Variants in SYNJ2 observed in about 807,000 individuals in gnomAD.
SYNJ2 encodes synaptojanin 2, also known as polyphosphatidylinositol phosphatase SYNJ2.
Under a neutral mutation model 141.3 loss-of-function variants are expected in SYNJ2, and 116 were observed. The observed-to-expected ratio is 0.82, with a 90% confidence interval of 0.71 to 0.96. SYNJ2 has a LOEUF of 0.96. SYNJ2 is among the 40% of genes least tolerant of loss of function. SYNJ2 has a pLI of 0.00. For synonymous variants in SYNJ2, 745 were observed against 777.7 expected (o/e 0.96, Z 0.70); for missense variants, 1,873 against 1,934.8 (o/e 0.97, Z 0.60).
In SYNJ2 at chr6:158,084,152, G is replaced by A; in HGVS notation, c.3186G>A (p.Lys1062=). ...PPSKSPALTK[K]KQHPTYKDDA... is the part of the protein sequence containing the mutation. ...GCAAGTCACCTGCTCTCACCAAAAA[G>A]AAGCAGCATCCAACGTACAAAGGTA... is the stretch of plus-strand genomic sequence containing the variant. The change falls in exon 22 of 27, where the codon AAG becomes AAA. Residue 1062 remains lysine (K), a synonymous_variant. Coordinates refer to ENST00000355585, the MANE Select transcript of SYNJ2 (RefSeq NM_003898.4). This position sits in a 1 kb window ranked among gnomAD's most constrained non-coding sequence, Gnocchi z 5.0. 2 of 1,614,082 alleles carry A rather than the reference G, an allele frequency of 1.2e-6. No homozygotes were observed. Among genetic ancestry groups the A allele is most frequent in the Middle Eastern group, 1.6e-4 (1 of 6,062 alleles).
intron 15 of SYNJ2, 124 bp from the exon 16 acceptor site, chr6:158,074,454 CTT>C: frequency 1.9e-6 from 2 of 1,032,370 alleles, no homozygotes; most frequent in Admixed American, 5.3e-5. Flanking sequence ...TAGTAGAAAA[CTT>C]TCTTTTTTCT....
intron 6 of SYNJ2, 70 bp from the exon 7 acceptor site, chr6:158,059,179 TCCCTTGAG>T: frequency 7.2e-7 from 1 of 1,380,770 alleles, no homozygotes; most frequent in South Asian, 1.6e-5. Context: ...TGCCCCGTCT[TCCCTTGAG>T]GGGCAGAACA....
Position 158,040,889 on chromosome 6 carries a change from C to A in SYNJ2, c.712-2427C>A, listed in dbSNP as rs1313532369. Among the ~76,000 whole-genome samples the A allele has an allele frequency of 6.6e-6, 1 of 152,190 alleles. No individual in the cohort carries two copies. The highest frequency in any genetic ancestry group is 1.5e-5 in the Non-Finnish European group (1 of 68,036). Reference sequence around the variant, plus strand: ...GGGCCTCCGACTTTTCTTCCCGTGGCCCCACTGCTCTTCCCGGTCTCCCTC... The same window carrying A: ...GGGCCTCCGACTTTTCTTCCCGTGGACCCACTGCTCTTCCCGGTCTCCCTC... On this transcript the variant is annotated intron_variant, in intron 4 of 26. Coordinates refer to ENST00000355585, the MANE Select transcript of SYNJ2 (RefSeq NM_003898.4). This position sits in a 1 kb window ranked among gnomAD's most constrained non-coding sequence, Gnocchi z 4.2.
intron 2 of SYNJ2, among the ~76,000 whole-genome samples, chr6:158,025,859 G>A (rs985412065): frequency 6.6e-6 from 1 of 151,406 alleles, no homozygotes; most frequent in African/African-American, 2.4e-5. Flanking sequence ...GGGTGAGGCA[G>A]GAGAATCACT....
At chr6:157,986,642 T>A (rs76644211) in intron 1 of SYNJ2, among the ~76,000 whole-genome samples, 2,802 of 152,324 alleles carry the variant, frequency 0.018, 88 homozygotes, top group African/African-American at 0.064. Flanking sequence ...GCCTTCCCCG[T>A]GATTTTTGTA....
chr6:158,084,285 C>A lies in SYNJ2; in HGVS notation c.3208+111C>A. 7.9e-7 allele frequency: 1 copy of A among 1,265,164 alleles called. No homozygotes were observed. The highest frequency in any genetic ancestry group is 1.1e-6 in the Non-Finnish European group (1 of 918,948). The allele number at this position is 1,265,164 out of a possible 1,614,324, so 78.4% of individuals were successfully genotyped here. Reference sequence around the variant, plus strand: ...TGTGTGATATCAAGTATGCAGGTCCCAGGAGAGACCTCAACCAGGCAGGCC... The same window carrying A: ...TGTGTGATATCAAGTATGCAGGTCCAAGGAGAGACCTCAACCAGGCAGGCC... On this transcript the variant is annotated intron_variant, in intron 22 of 26. Transcript: ENST00000355585. This position sits in a 1 kb window ranked among gnomAD's most constrained non-coding sequence, Gnocchi z 5.0.
At chr6:157,981,825 G>A (rs1246828036), upstream of SYNJ2, 3 of 787,056 alleles carry the variant, frequency 3.8e-6, no homozygotes, top group African/African-American at 3.6e-5. The surrounding 1 kb of genome is among the most constrained non-coding windows in gnomAD (Gnocchi z 6.4). Flanking sequence ...GAGGAGGCCG[G>A]GGAGGAGCCT....
chr6:157,987,187 A>C (rs1034545132), intron 1 of SYNJ2, among the ~76,000 whole-genome samples: 2 of 151,778 alleles, frequency 1.3e-5, no homozygotes, highest in African/African-American at 2.4e-5. Flanking sequence ...GCATTTCACC[A>C]TGTTGGCCAG....
Position 158,084,262 on chromosome 6 carries a change from TGTGATATCAA to T in SYNJ2, c.3208+91_3208+100del, listed in dbSNP as rs1782897722. On this transcript the variant is annotated intron_variant, in intron 22 of 26. Coordinates refer to ENST00000355585, the MANE Select transcript of SYNJ2 (RefSeq NM_003898.4). This position sits in a 1 kb window ranked among gnomAD's most constrained non-coding sequence, Gnocchi z 5.0. ...TTTTTCTCTTGGCGATTGGGCACTG[TGTGATATCAA>T]GTATGCAGGTCCCAGGAGAGACCTC... 1 of 1,438,524 alleles carries T rather than the reference TGTGATATCAA, an allele frequency of 7.0e-7. No homozygotes were observed. The highest frequency in any genetic ancestry group is 1.4e-5 in the African/African-American group (1 of 70,516). 89.1% of individuals were successfully genotyped at this position (1,438,524 alleles called of 1,614,324 possible). A position where few individuals can be genotyped will look rare whatever the true frequency, so the allele number is the denominator to read the frequency against.
intron 18 of SYNJ2, among the ~76,000 whole-genome samples, chr6:158,080,465 ACT>A (rs1475537076): frequency 7.2e-6 from 1 of 138,750 alleles, no homozygotes; most frequent in African/African-American, 2.8e-5. Flanking sequence ...ACAGAGGGAG[ACT>A]CTGACTCAAA....
At chr6:158,038,605 C>T (rs1779764170) in intron 4 of SYNJ2, among the ~76,000 whole-genome samples, 2 of 152,242 alleles carry the variant, frequency 1.3e-5, no homozygotes, top group African/African-American at 4.8e-5. Flanking sequence ...TGTCACTTCC[C>T]AGCGCTGAGT....
chr6:158,035,412 G>T (rs917422771), intron 4 of SYNJ2, among the ~76,000 whole-genome samples: 12 of 152,072 alleles, frequency 7.9e-5, no homozygotes, highest in Non-Finnish European at 1.6e-4. Flanking sequence ...AAACTGTATT[G>T]CTAGGTATTT....
Position 158,078,303 on chromosome 6 carries a change from C to T in SYNJ2, c.2567+22C>T, listed in dbSNP as rs370774603. 42 of 1,535,498 alleles carry T rather than the reference C, an allele frequency of 2.7e-5. No homozygotes were observed. The South Asian group carries it at 2.8e-4, about 10-fold the overall frequency. The stretch of plus-strand genomic sequence containing the variant: ...ACAGGTGAGGTCCTGACTTCCATGG[C>T]GTTTTCTCCTGTGCTGGGCAAGGCA... On this transcript the variant is annotated intron_variant, in intron 18 of 26. Coordinates refer to ENST00000355585, the MANE Select transcript of SYNJ2 (RefSeq NM_003898.4).
chr6:157,987,763 T>G (rs1257258469), intron 1 of SYNJ2, among the ~76,000 whole-genome samples: 4 of 152,218 alleles, frequency 2.6e-5, no homozygotes, highest in African/African-American at 9.7e-5. Flanking sequence ...AAATATACAT[T>G]ATTATTAACT....
chr6:158,070,076 C>A lies in SYNJ2; in HGVS notation c.1940+403C>A. On this transcript the variant is annotated intron_variant, in intron 14 of 26. Coordinates refer to ENST00000355585, the MANE Select transcript of SYNJ2 (RefSeq NM_003898.4). The surrounding 1 kb of genome is among the most constrained non-coding windows in gnomAD (Gnocchi z 4.0). ...AGAATTCTAAGTAGAACGTGTGGGC[C>A]TCTACAACTGTGACCTCATTGTCAT... The A allele has an allele frequency of 1.1e-6, 1 of 886,738 alleles. No homozygotes were observed. The highest frequency in any genetic ancestry group is 1.4e-6 in the Non-Finnish European group (1 of 738,778). The allele number at this position is 886,738 out of a possible 1,614,324, so 54.9% of individuals were successfully genotyped here.
rs778616482 is a variant in SYNJ2, at chr6:158,033,619, G to A, written c.650G>A (p.Arg217His). The change falls in exon 4 of 27, where the codon CGC (arginine) becomes CAC (histidine). Residue 217 changes from arginine to histidine, a missense_variant. Transcript: ENST00000355585. Reference protein sequence around the residue: ...SRVSCERTGTRFHTRGVNDDG... With the variant: ...SRVSCERTGTHFHTRGVNDDG... The stretch of plus-strand genomic sequence containing the variant: ...GTTAGCTGTGAGCGCACAGGCACTC[G>A]CTTCCACACCCGTGGCGTGAACGAC... The A allele has an allele frequency of 2.2e-5, 36 of 1,613,400 alleles. No homozygotes were observed. Among genetic ancestry groups the A allele is most frequent in the African/African-American group, 2.7e-5 (2 of 74,946 alleles).
At chr6:158,076,219 C>T (rs1031306292) in intron 16 of SYNJ2, among the ~76,000 whole-genome samples, 8 of 152,072 alleles carry the variant, frequency 5.3e-5, no homozygotes, top group Non-Finnish European at 1.0e-4. Context: ...TTTCACTCTG[C>T]GCTTCTATGT....
At chr6:158,047,774 C>CAAAAAAAAAAAAAAAAAAAAAAAAAAAAA (rs58147972) in intron 5 of SYNJ2, among the ~76,000 whole-genome samples, 1 of 32,376 alleles carries the variant, frequency 3.1e-5, no homozygotes, top group Non-Finnish European at 5.1e-5. Flanking sequence ...GCGACTCTGT[C>CAAAAAAAAAAAAAAAAAAAAAAAAAAAAA]AAAAAAAAAA....
intron 26 of SYNJ2, among the ~76,000 whole-genome samples, chr6:158,095,110 T>C (rs909083579): frequency 1.6e-4 from 24 of 151,614 alleles, no homozygotes; most frequent in East Asian, 3.9e-4. Context: ...GATTGCGCCA[T>C]TGCACTCCAG....
Sources: gnomAD v4.1 joint callset for allele counts (sites outside exome capture counted in the v4.1 genomes callset) on GRCh38, gnomAD v4.1.1 for gene constraint, Gnocchi (gnomAD v3.1) non-coding constraint, MANE v1.5 for transcripts, NCBI Gene and HGNC (gene_info 2026-07-23, HGNC 2026-07-21) for gene names.